Variants in ROCK1 observed in about 807,000 individuals in gnomAD.
The protein encoded by ROCK1 is Rho associated coiled-coil containing protein kinase 1.
Under a neutral mutation model 196.8 loss-of-function variants are expected in ROCK1, and 36 were observed. That is an observed-to-expected ratio of 0.18 (90% CI 0.14 to 0.24). The LOEUF is 0.24. ROCK1 is among the 10% of genes least tolerant of loss of function. The pLI is 1.00. For missense variants in ROCK1, 920 were observed against 1,562.0 expected (o/e 0.59, Z 6.93); for synonymous variants, 443 against 515.9 (o/e 0.86, Z 1.91).
intron 22 of ROCK1, among the ~76,000 whole-genome samples, chr18:20,972,557 G>T (rs1417395313): frequency 6.6e-6 from 1 of 152,128 alleles, no homozygotes; most frequent in Non-Finnish European, 1.5e-5. Flanking sequence ...AATGGAAAAA[G>T]GAACAAAGGA....
chr18:21,011,280 C>T (rs1306521916), intron 13 of ROCK1, among the ~76,000 whole-genome samples: 1 of 152,010 alleles, frequency 6.6e-6, no homozygotes, highest in Non-Finnish European at 1.5e-5. Flanking sequence ...ATTATTTTAG[C>T]ATTCCTTTTG....
At chr18:20,991,797 GC>G (rs1444745504) in intron 17 of ROCK1, among the ~76,000 whole-genome samples, 1 of 151,774 alleles carries the variant, frequency 6.6e-6, no homozygotes, top group Non-Finnish European at 1.5e-5. Context: ...ACCACACCTG[GC>G]TAATTTTTAA....
Position 21,111,736 on chromosome 18 carries a change from G to C in ROCK1, c.-826C>G, listed in dbSNP as rs1259751227. 6.5e-6 allele frequency: 1 copy of C among 152,984 alleles called. No homozygotes were observed. 9.5% of individuals were successfully genotyped at this position (152,984 alleles called of 1,614,324 possible). On this transcript the variant is annotated 5_prime_UTR_variant, in exon 1 of 33. Coordinates refer to ENST00000399799, the MANE Select transcript of ROCK1 (RefSeq NM_005406.3). This position sits in a 1 kb window ranked among gnomAD's most constrained non-coding sequence, Gnocchi z 4.2. The stretch of plus-strand genomic sequence containing the variant: ...CGAGTCGCGGCGGCGAATGCCTGGG[G>C]GGTGGGGCGAGGGGGGCTGAGAGGG...
chr18:20,997,311 C>A (rs1420117407), intron 16 of ROCK1, among the ~76,000 whole-genome samples: 11 of 151,724 alleles, frequency 7.3e-5, no homozygotes, highest in Admixed American at 7.2e-4. Flanking sequence ...CCAATTAAAA[C>A]AAAAACAAAA....
At chr18:20,951,614 A>G (rs2035188659) in intron 32 of ROCK1, among the ~76,000 whole-genome samples, 2 of 152,202 alleles carry the variant, frequency 1.3e-5, no homozygotes, top group Non-Finnish European at 2.9e-5. Context: ...ATCATTTTAG[A>G]TCCAGTTTAC....
intron 10 of ROCK1, among the ~76,000 whole-genome samples, chr18:21,026,445 GAAAAAA>G (rs747563785): frequency 5.7e-5 from 2 of 35,314 alleles, no homozygotes; most frequent in African/African-American, 1.1e-4. Flanking sequence ...ACTCTGTCTC[GAAAAAA>G]AAAAAAAAAA....
At position 21,101,370 on chromosome 18, in the gene ROCK1, C is replaced by T. The variant is rs376062548; in HGVS notation, c.93+9448G>A. Among the ~76,000 whole-genome samples the T allele has an allele frequency of 8.5e-5, 13 of 152,296 alleles. 1 individual carries two copies. Among genetic ancestry groups the T allele is most frequent in the Admixed American group, 5.2e-4 (8 of 15,298 alleles). The stretch of plus-strand genomic sequence containing the variant: ...ATGCCACCTGAACAGAATGATCAAC[C>T]TTAGCATCACTACAGGCCAGGCAGA... On this transcript the variant is annotated intron_variant, in intron 1 of 32. Coordinates refer to ENST00000399799, the MANE Select transcript of ROCK1 (RefSeq NM_005406.3).
chr18:20,962,858 A>G (rs1251588687), intron 27 of ROCK1, among the ~76,000 whole-genome samples: 1 of 152,188 alleles, frequency 6.6e-6, no homozygotes, highest in African/African-American at 2.4e-5. Context: ...ACTAAGCTCA[A>G]TAATAACAGA....
intron 1 of ROCK1, among the ~76,000 whole-genome samples, chr18:21,097,951 T>C (rs1412797058): frequency 6.6e-6 from 1 of 152,278 alleles, no homozygotes; most frequent in Non-Finnish European, 1.5e-5. Flanking sequence ...TGGTGTCATG[T>C]AATCCTTACA....
At chr18:20,962,062 G>A (rs1471753726) in intron 27 of ROCK1, among the ~76,000 whole-genome samples, 1 of 151,988 alleles carries the variant, frequency 6.6e-6, no homozygotes. Context: ...CAACGAGGTG[G>A]TACTTGACAG....
intron 4 of ROCK1, 71 bp from the exon 5 acceptor site, chr18:21,045,538 G>C: frequency 8.3e-7 from 1 of 1,202,978 alleles, no homozygotes. Flanking sequence ...TTAAAAAGTG[G>C]CAAAAATGTT....
At chr18:21,025,646 G>T (rs2035949270) in intron 10 of ROCK1, among the ~76,000 whole-genome samples, 1 of 152,140 alleles carries the variant, frequency 6.6e-6, no homozygotes, top group African/African-American at 2.4e-5. Flanking sequence ...TGAGGCACAA[G>T]AATCACTTGA....
At position 20,950,033 on chromosome 18, in the gene ROCK1, T is replaced by G. The variant is rs1427638027; in HGVS notation, c.*1351A>C. On this transcript the variant is annotated 3_prime_UTR_variant, in exon 33 of 33. Transcript: ENST00000399799. The stretch of plus-strand genomic sequence containing the variant: ...GAGACGATCGGTTTTCCAGTGCTTC[T>G]TATCTGATACACATTACTGCAAAGC... 1.3e-5 allele frequency: 2 copies of G among 152,700 alleles called. No homozygotes were observed. Among genetic ancestry groups the G allele is most frequent in the African/African-American group, 2.4e-5 (1 of 41,470 alleles). The allele number at this position is 152,700 out of a possible 1,614,324, so 9.5% of individuals were successfully genotyped here.
chr18:21,103,947 A>G (rs1304567521), intron 1 of ROCK1, among the ~76,000 whole-genome samples: 3 of 152,216 alleles, frequency 2.0e-5, no homozygotes, highest in African/African-American at 7.2e-5. Context: ...AATACTTTCC[A>G]TTGTGAATTG....
intron 27 of ROCK1, among the ~76,000 whole-genome samples, chr18:20,964,953 T>C (rs769782095): frequency 4.6e-5 from 7 of 152,162 alleles, no homozygotes; most frequent in Non-Finnish European, 1.0e-4. Flanking sequence ...ATCTTCTAAC[T>C]AGCATTCACC....
chr18:21,067,679 G>C (rs1159248315), intron 2 of ROCK1, among the ~76,000 whole-genome samples: 2 of 152,156 alleles, frequency 1.3e-5, no homozygotes, highest in Non-Finnish European at 2.9e-5. Context: ...GAGCCACCAT[G>C]CCTGGCCTTC....
At chr18:21,081,449 A>G (rs1461378774) in intron 1 of ROCK1, among the ~76,000 whole-genome samples, 2 of 152,128 alleles carry the variant, frequency 1.3e-5, no homozygotes, top group East Asian at 3.8e-4. Context: ...ACCTAACTTA[A>G]TACTATAAGG....
At chr18:21,056,735 G>A (rs150459766) in intron 2 of ROCK1, among the ~76,000 whole-genome samples, 15 of 152,210 alleles carry the variant, frequency 9.9e-5, no homozygotes, top group Non-Finnish European at 1.9e-4. Flanking sequence ...GACTCTACAT[G>A]ACCTAGCCTC....
rs1003452140 is a variant in ROCK1, at chr18:20,947,912, C to T, written c.*3472G>A. 12 of 151,692 alleles carry T rather than the reference C, an allele frequency of 7.9e-5. No homozygotes were observed. The highest frequency in any genetic ancestry group is 2.9e-4 in the African/African-American group (12 of 41,254). 9.4% of individuals were successfully genotyped at this position (151,692 alleles called of 1,614,324 possible). A position where few individuals can be genotyped will look rare whatever the true frequency, so the allele number is the denominator to read the frequency against. On this transcript the variant is annotated 3_prime_UTR_variant, in exon 33 of 33. Coordinates refer to ENST00000399799, the MANE Select transcript of ROCK1 (RefSeq NM_005406.3). Reference sequence around the variant, plus strand: ...ATCACCTGAGGTCAGGAGTTCAAGACCAGGCTGGCCAACATGGTGAAACCC... The same window carrying T: ...ATCACCTGAGGTCAGGAGTTCAAGATCAGGCTGGCCAACATGGTGAAACCC...
Sources: allele counts gnomAD v4.1 joint callset (sites outside exome capture counted in the v4.1 genomes callset), GRCh38; gene constraint gnomAD v4.1.1; non-coding constraint Gnocchi (gnomAD v3.1); transcripts MANE v1.5; gene names NCBI Gene and HGNC (gene_info 2026-07-23, HGNC 2026-07-21).